The following GPM6A variants were observed in gnomAD, a reference collection of about 807,000 sequenced individuals.
GPM6A encodes glycoprotein M6A, also known as neuronal membrane glycoprotein M6-a.
GPM6A carries 7 observed loss-of-function variants against 32.1 expected under a neutral mutation model. The observed-to-expected ratio is 0.22, with a 90% CI of 0.12 to 0.41. The LOEUF (loss-of-function observed/expected upper bound fraction) is 0.41, where lower values mean the gene tolerates loss of function less well. GPM6A is among the 10% of genes least tolerant of loss of function. GPM6A has a pLI of 1.00. For synonymous variants in GPM6A, 130 were observed against 123.4 expected (o/e 1.05, Z -0.35); for missense variants, 235 against 347.2 (o/e 0.68, Z 2.57).
intron 1 of GPM6A, among the ~76,000 whole-genome samples, chr4:175,792,470 C>T (rs1579506019): frequency 6.6e-6 from 1 of 151,822 alleles, no homozygotes; most frequent in Non-Finnish European, 1.5e-5. Context: ...TTTTACTGCC[C>T]TGGTAATACA....
chr4:175,738,454 A>G, intron 1 of GPM6A, among the ~76,000 whole-genome samples: 1 of 152,086 alleles, frequency 6.6e-6, no homozygotes, highest in South Asian at 2.1e-4. Flanking sequence ...AAATATTCTT[A>G]ATATGTTTTC....
chr4:175,894,551 T>C (rs953689199), intron 1 of GPM6A, among the ~76,000 whole-genome samples: 5 of 152,264 alleles, frequency 3.3e-5, no homozygotes, highest in African/African-American at 1.2e-4. Flanking sequence ...TGTTCCATGG[T>C]TAATAATGTC....
At chr4:175,766,602 G>A (rs1479379007) in intron 1 of GPM6A, among the ~76,000 whole-genome samples, 3 of 151,272 alleles carry the variant, frequency 2.0e-5, no homozygotes, top group Non-Finnish European at 2.9e-5. Context: ...AGTGCTCTCT[G>A]CAGAGCACAT....
intron 1 of GPM6A, among the ~76,000 whole-genome samples, chr4:175,886,458 G>T (rs1737458773): frequency 6.6e-6 from 1 of 152,092 alleles, no homozygotes; most frequent in Non-Finnish European, 1.5e-5. Flanking sequence ...AACCAACCCT[G>T]AAGGAGTTCC....
chr4:175,697,045 TAC>T (rs1324153426), intron 2 of GPM6A, among the ~76,000 whole-genome samples: 1 of 152,150 alleles, frequency 6.6e-6, no homozygotes, highest in African/African-American at 2.4e-5. Context: ...AACTTGAAAT[TAC>T]AGTCATTAAA....
At chr4:175,668,542 T>TGTGTGTGTGTGTGTGTGTGTG (rs1560863089) in intron 3 of GPM6A, among the ~76,000 whole-genome samples, 8 of 151,630 alleles carry the variant, frequency 5.3e-5, no homozygotes, top group Non-Finnish European at 8.8e-5. Context: ...TGTGTGTGTG[T>TGTGTGTGTGTGTGTGTGTGTG]TTATTTTAAA....
chr4:175,763,294 G>A (rs753143401), intron 1 of GPM6A, among the ~76,000 whole-genome samples: 1 of 152,126 alleles, frequency 6.6e-6, no homozygotes, highest in African/African-American at 2.4e-5. Context: ...TTACAGGCAT[G>A]AGCCACTGTG....
intron 1 of GPM6A, among the ~76,000 whole-genome samples, chr4:175,718,167 A>G (rs1411586571): frequency 6.6e-6 from 1 of 152,206 alleles, no homozygotes; most frequent in Non-Finnish European, 1.5e-5. Context: ...TTTGCTTTTT[A>G]TAATGAAATG....
intron 1 of GPM6A, among the ~76,000 whole-genome samples, chr4:175,943,757 T>C (rs1009527168): frequency 6.6e-6 from 1 of 152,192 alleles, no homozygotes; most frequent in South Asian, 2.1e-4. Context: ...ATAAGCTTTT[T>C]GATGTGCTGC....
intron 2 of GPM6A, among the ~76,000 whole-genome samples, chr4:175,680,598 T>C (rs1743627807): frequency 6.6e-6 from 1 of 152,216 alleles, no homozygotes; most frequent in Non-Finnish European, 1.5e-5. Context: ...CTCATCCATA[T>C]TGACTTAGTT....
intron 1 of GPM6A, among the ~76,000 whole-genome samples, chr4:175,963,604 G>C (rs1469851538): frequency 6.6e-6 from 1 of 152,080 alleles, no homozygotes; most frequent in African/African-American, 2.4e-5. Flanking sequence ...GGATGTTTGT[G>C]CTGGTAGACG....
intron 1 of GPM6A, among the ~76,000 whole-genome samples, chr4:175,853,525 T>C (rs1366141159): frequency 6.8e-6 from 1 of 146,116 alleles, no homozygotes; most frequent in Non-Finnish European, 1.5e-5. Flanking sequence ...TTTTTTTAGC[T>C]TTGCAAAGCC....
chr4:175,657,589 ACC>A (rs1278356308), intron 3 of GPM6A, among the ~76,000 whole-genome samples: 2 of 152,144 alleles, frequency 1.3e-5, no homozygotes, highest in Non-Finnish European at 2.9e-5. Context: ...AGCCAGACAC[ACC>A]TACTAATGTC....
chr4:175,674,260 T>A (rs1743240139), intron 2 of GPM6A, among the ~76,000 whole-genome samples: 1 of 152,092 alleles, frequency 6.6e-6, no homozygotes, highest in South Asian at 2.1e-4. Flanking sequence ...TCGCTGCAAC[T>A]TCTGCCTGCC....
intron 1 of GPM6A, among the ~76,000 whole-genome samples, chr4:175,760,498 C>T (rs892331523): frequency 2.0e-5 from 3 of 152,050 alleles, no homozygotes; most frequent in African/African-American, 4.8e-5. Context: ...AACTCTAGGA[C>T]ATTTTATGAA....
At chr4:175,762,176 G>A (rs746891887) in intron 1 of GPM6A, among the ~76,000 whole-genome samples, 3 of 152,098 alleles carry the variant, frequency 2.0e-5, no homozygotes, top group Non-Finnish European at 4.4e-5. Flanking sequence ...AATTCCCTTG[G>A]TCATTCTACG....
intron 1 of GPM6A, among the ~76,000 whole-genome samples, chr4:175,866,414 C>A (rs906138472): frequency 6.6e-6 from 1 of 152,104 alleles, no homozygotes; most frequent in Non-Finnish European, 1.5e-5. Flanking sequence ...CCTCGAAAAT[C>A]CTCTGTGCTC....
At chr4:175,728,514 T>G (rs1731278618) in intron 1 of GPM6A, among the ~76,000 whole-genome samples, 1 of 152,248 alleles carries the variant, frequency 6.6e-6, no homozygotes, top group South Asian at 2.1e-4. Context: ...TAGATAAAGA[T>G]ACAAATAATT....
At chr4:175,800,269 C>T (rs947477024) in intron 1 of GPM6A, among the ~76,000 whole-genome samples, 1 of 151,996 alleles carries the variant, frequency 6.6e-6, no homozygotes, top group Non-Finnish European at 1.5e-5. Flanking sequence ...ATATAAAAAA[C>T]CCAAAATTAT....
Sources: allele counts gnomAD v4.1 joint callset (sites outside exome capture counted in the v4.1 genomes callset), GRCh38; gene constraint gnomAD v4.1.1; transcripts MANE v1.5; gene names NCBI Gene and HGNC (gene_info 2026-07-23, HGNC 2026-07-21).